COL18A1: variants seen among roughly 807,000 people sequenced by gnomAD.
COL18A1 encodes the protein collagen type XVIII alpha 1 chain.
COL18A1 carries 133 observed loss-of-function variants against 168.0 expected under a neutral mutation model. The ratio of observed to expected loss-of-function variants is 0.79; its 90% CI spans 0.69 to 0.91. The LOEUF (loss-of-function observed/expected upper bound fraction) is 0.91, where lower values mean the gene tolerates loss of function less well. Among genes scored for constraint, COL18A1 ranks in the 40% least tolerant of loss-of-function variants. The probability of loss-of-function intolerance (pLI) is 0.00; values close to 1 mark genes in which losing one functional copy is unlikely to be tolerated. For missense variants in COL18A1, 2,126 were observed against 1,925.4 expected (o/e 1.10, Z -1.95); for synonymous variants, 949 against 809.0 (o/e 1.17, Z -2.94).
At position 45,506,286 on chromosome 21, in the gene COL18A1, G is replaced by C. The variant is rs577107035; in HGVS notation, c.3216+320G>C. ...CCGATAATAAGACAAGGCGCCTGAC[G>C]GGACGAGGCGGCAGGGGGGCTCAGG... On this transcript the variant is annotated intron_variant, in intron 37 of 41. Transcript: ENST00000651438. The C allele has an allele frequency of 1.3e-5, 5 of 384,218 alleles. No homozygotes were observed. The East Asian group carries it at 2.5e-4, about 19-fold the overall frequency. 23.8% of individuals were successfully genotyped at this position (384,218 alleles called of 1,614,324 possible). A position where few individuals can be genotyped will look rare whatever the true frequency, so the allele number is the denominator to read the frequency against.
At chr21:45,491,714 C>A (rs927094239) in intron 22 of COL18A1, among the ~76,000 whole-genome samples, 3 of 152,216 alleles carry the variant, frequency 2.0e-5, no homozygotes, top group East Asian at 1.9e-4. Context: ...CTTCCTCCCC[C>A]ACTGCGGCCC....
chr21:45,429,200 C>A (rs1009331163), intron 2 of COL18A1, among the ~76,000 whole-genome samples: 1 of 152,182 alleles, frequency 6.6e-6, no homozygotes, highest in Non-Finnish European at 1.5e-5. Flanking sequence ...CGCGCCCAGC[C>A]GAGACTACAG....
At chr21:45,456,458 A>C (rs1568881411) in intron 2 of COL18A1, 1 of 1,544,908 alleles carries the variant, frequency 6.5e-7, no homozygotes, top group South Asian at 1.2e-5. Flanking sequence ...CCACGTGGCT[A>C]ACTCTGTGGG....
chr21:45,425,252 C>G lies in COL18A1; in HGVS notation c.106+19779C>G, dbSNP rs1047617220. On this transcript the variant is annotated intron_variant, in intron 2 of 41. Transcript: ENST00000651438. This position sits in a 1 kb window ranked among gnomAD's most constrained non-coding sequence, Gnocchi z 4.1. ...AGTGTGACCGCGTCCGCCCGTCTCC[C>G]CGGACACGCCTGTTGGAGCCCCGGC... Among the ~76,000 whole-genome samples the G allele has an allele frequency of 6.6e-6, 1 of 152,188 alleles. No individual in the cohort carries two copies. Among genetic ancestry groups the G allele is most frequent in the African/African-American group, 2.4e-5 (1 of 41,450 alleles).
In COL18A1 at chr21:45,451,597, C is replaced by T. The variant is rs141521077; in HGVS notation, c.107-16645C>T. ...GTTTGCTGAGGGAGTTTGTGGTTAACGTTGCCTTTGTTGAGTCGAATGAGG... is the reference window on the plus strand; with the variant it reads ...GTTTGCTGAGGGAGTTTGTGGTTAATGTTGCCTTTGTTGAGTCGAATGAGG... On this transcript the variant is annotated intron_variant, in intron 2 of 41. Coordinates refer to ENST00000651438, the MANE Select transcript of COL18A1 (RefSeq NM_001379500.1). Among the ~76,000 whole-genome samples the T allele has an allele frequency of 2.1e-3, 314 of 152,334 alleles. 1 individual carries two copies. Among genetic ancestry groups the T allele is most frequent in the African/African-American group, 7.3e-3 (303 of 41,566 alleles).
At chr21:45,447,869 G>A (rs967005336) in intron 2 of COL18A1, among the ~76,000 whole-genome samples, 8 of 152,112 alleles carry the variant, frequency 5.3e-5, no homozygotes, top group Admixed American at 3.9e-4. Context: ...GGTGAGCCTC[G>A]CTGCCCTGCT....
In COL18A1 at chr21:45,494,805, A is replaced by G; in HGVS notation, c.2380-57A>G. On this transcript the variant is annotated intron_variant, in intron 27 of 41. Transcript: ENST00000651438. The stretch of plus-strand genomic sequence containing the variant: ...CCCTCCCCTTCCCCAGGACCCCCCA[A>G]CTCGTGGTCAAGGGCCAGGGTCTGC... 5 of 1,512,452 alleles carry G rather than the reference A, an allele frequency of 3.3e-6. 1 individual carries two copies. Among genetic ancestry groups the G allele is most frequent in the South Asian group, 2.3e-5 (2 of 85,436 alleles). The allele number at this position is 1,512,452 out of a possible 1,614,324, so 93.7% of individuals were successfully genotyped here. A position where few individuals can be genotyped will look rare whatever the true frequency, so the allele number is the denominator to read the frequency against.
chr21:45,478,382 T>C (rs1183538261), intron 9 of COL18A1, 29 bp downstream of exon 9: 15 of 1,614,042 alleles, frequency 9.3e-6, no homozygotes, highest in Non-Finnish European at 1.1e-5. Context: ...CTGACCCCTG[T>C]GTTATCTGTG....
chr21:45,432,498 G>A (rs1404970702), intron 2 of COL18A1, among the ~76,000 whole-genome samples: 1 of 152,230 alleles, frequency 6.6e-6, no homozygotes, highest in Non-Finnish European at 1.5e-5. Flanking sequence ...AGCCCCCTGG[G>A]CTATGCAGGC....
chr21:45,407,927 G>C (rs1483058082), intron 2 of COL18A1: 2 of 152,282 alleles, frequency 1.3e-5, no homozygotes, highest in Non-Finnish European at 2.9e-5. Flanking sequence ...GGTTCCGTGG[G>C]TGTGGCTCAC....
At chr21:45,487,548 A>G in intron 17 of COL18A1, 39 bp downstream of exon 17, 1 of 1,609,876 alleles carries the variant, frequency 6.2e-7, no homozygotes, top group African/African-American at 1.3e-5. Flanking sequence ...TCTGAGGGGT[A>G]AGGGGGTGTT....
At chr21:45,455,837 C>T in intron 2 of COL18A1, 1 of 1,613,250 alleles carries the variant, frequency 6.2e-7, no homozygotes, top group Non-Finnish European at 8.5e-7. Context: ...CCCGGACGCG[C>T]CAGAGGAGAA....
In COL18A1 at chr21:45,437,605, GAC is replaced by G. The variant is rs779694158; in HGVS notation, c.107-30631_107-30630del. 4.7e-3 allele frequency among the ~76,000 whole-genome samples: 128 copies of G among 27,156 alleles called. 13 individuals are homozygous for G. Among genetic ancestry groups the G allele is most frequent in the South Asian group, 8.0e-3 (6 of 752 alleles). 17.8% of individuals were successfully genotyped at this position (27,156 alleles called of 152,430 possible). On this transcript the variant is annotated intron_variant, in intron 2 of 41. Transcript: ENST00000651438. The stretch of plus-strand genomic sequence containing the variant: ...GTACACACACACACTCACACACTCA[GAC>G]ACACAGGCACTCTCCTGCACACACA...
chr21:45,437,239 C>G lies in COL18A1; in HGVS notation c.107-31003C>G, dbSNP rs1388692669. Among the ~76,000 whole-genome samples the G allele has an allele frequency of 1.7e-5, 2 of 116,974 alleles. 1 individual carries two copies. The highest frequency in any genetic ancestry group is 3.4e-5 in the Non-Finnish European group (2 of 58,330). The allele number at this position is 116,974 out of a possible 152,430, so 76.7% of individuals were successfully genotyped here. On this transcript the variant is annotated intron_variant, in intron 2 of 41. Transcript: ENST00000651438. ...ACACACACACAGACACACAGGCACT[C>G]TCCTGTACACACACACACTCACACA... is the stretch of plus-strand genomic sequence containing the variant.
intron 8 of COL18A1, 76 bp downstream of exon 8, chr21:45,478,041 C>A: frequency 2.4e-6 from 2 of 842,644 alleles, no homozygotes; most frequent in East Asian, 5.3e-5. Context: ...GAGGCTGCGG[C>A]CGACATGGGA....
intron 2 of COL18A1, among the ~76,000 whole-genome samples, chr21:45,453,012 T>C (rs1219143778): frequency 6.6e-6 from 1 of 151,684 alleles, no homozygotes. Flanking sequence ...TATATGTATG[T>C]GTGTGATTGC....
chr21:45,505,934 G>A lies in COL18A1; in HGVS notation c.3184G>A (p.Val1062Ile), dbSNP rs537502596. ...IFVAEQEELYVRVQNGFRKVQ... is the reference protein window; with the variant it reads ...IFVAEQEELYIRVQNGFRKVQ... Reference sequence around the variant, plus strand: ...CGTGGCCGAGCAGGAGGAGCTCTACGTCCGCGTGCAGAACGGGTTCCGGAA... The same window carrying A: ...CGTGGCCGAGCAGGAGGAGCTCTACATCCGCGTGCAGAACGGGTTCCGGAA... The change falls in exon 37 of 42, where the codon GTC (valine) becomes ATC (isoleucine). Residue 1062 changes from valine (V) to isoleucine (I), a missense_variant. Physicochemically the swap from Val to Ile is conservative, Grantham distance 29. Transcript: ENST00000651438. The A allele has an allele frequency of 4.5e-5, 73 of 1,613,204 alleles. No homozygotes were observed. Among genetic ancestry groups the A allele is most frequent in the East Asian group, 1.8e-4 (8 of 44,878 alleles).
At chr21:45,490,484 G>GTGCCCTCGTGGGTTCCTGGGCCTCCA in intron 20 of COL18A1, 138 bp downstream of exon 20, 2 of 438,668 alleles carry the variant, frequency 4.6e-6, no homozygotes, top group South Asian at 2.8e-5. Flanking sequence ...CTGGGCCTCC[G>GTGCCCTCGTGGGTTCCTGGGCCTCCA]TGTGCCCTCC....
chr21:45,432,180 C>G (rs76200589), intron 2 of COL18A1, among the ~76,000 whole-genome samples: 6,702 of 152,312 alleles, frequency 0.044, 352 homozygotes, highest in East Asian at 0.19. Flanking sequence ...CCTGCCCCAG[C>G]AGGGCCTCCC....
Sources: gnomAD v4.1 joint callset for allele counts (sites outside exome capture counted in the v4.1 genomes callset) on GRCh38, gnomAD v4.1.1 for gene constraint, Gnocchi (gnomAD v3.1) non-coding constraint, MANE v1.5 for transcripts, NCBI Gene and HGNC (gene_info 2026-07-23, HGNC 2026-07-21) for gene names.